The following GALNT13 variants were observed in gnomAD, a reference collection of about 807,000 sequenced individuals.
GALNT13 encodes the protein polypeptide N-acetylgalactosaminyltransferase 13, also known as UDP-GalNAc:polypeptide N-acetylgalactosaminyltransferase 13.
In GALNT13, 28 loss-of-function variants were observed where a neutral mutation model predicts 64.2. The observed-to-expected ratio is 0.44, with a 90% CI of 0.32 to 0.60. The LOEUF is 0.60. Among genes scored for constraint, GALNT13 ranks in the 20% least tolerant of loss-of-function variants. GALNT13 has a pLI of 0.05. For missense variants in GALNT13, 577 were observed against 669.8 expected (o/e 0.86, Z 1.53); for synonymous variants, 214 against 224.6 (o/e 0.95, Z 0.42).
chr2:153,672,140 C>T, the GALNT13 span, among the ~76,000 whole-genome samples: 8 of 152,120 alleles, frequency 5.3e-5, no homozygotes, highest in African/African-American at 1.9e-4. Context: ...TTAGACAGAT[C>T]AGAGAGACAG....
intron 3 of GALNT13, among the ~76,000 whole-genome samples, chr2:154,037,756 A>G (rs1238041253): frequency 2.0e-5 from 3 of 152,184 alleles, no homozygotes; most frequent in African/African-American, 7.2e-5. Flanking sequence ...TCTTTTTTAT[A>G]AAAGCCACAG....
chr2:153,197,314 C>T, the GALNT13 span, among the ~76,000 whole-genome samples: 39 of 152,268 alleles, frequency 2.6e-4, no homozygotes, highest in East Asian at 5.2e-3. Context: ...GGCACTAGCA[C>T]GGGTGGTGCT....
the GALNT13 span, among the ~76,000 whole-genome samples, chr2:153,234,002 C>T: frequency 0.021 from 3,137 of 152,194 alleles, 126 homozygotes; most frequent in African/African-American, 0.071. Flanking sequence ...ATAAAAGAAG[C>T]TTATAACTAA....
chr2:154,256,942 A>T (rs990615455), intron 7 of GALNT13, among the ~76,000 whole-genome samples: 1 of 152,148 alleles, frequency 6.6e-6, no homozygotes, highest in Non-Finnish European at 1.5e-5. Flanking sequence ...GCATATGTAA[A>T]TATTTTATTA....
chr2:153,400,158 C>T, the GALNT13 span, among the ~76,000 whole-genome samples: 5 of 151,822 alleles, frequency 3.3e-5, no homozygotes, highest in South Asian at 6.3e-4. Flanking sequence ...TTGTCAAAGG[C>T]TTTTTCTGCA....
At chr2:154,149,857 G>A (rs963138283) in intron 4 of GALNT13, among the ~76,000 whole-genome samples, 17 of 152,212 alleles carry the variant, frequency 1.1e-4, no homozygotes, top group African/African-American at 2.9e-4. Context: ...TGGATATACA[G>A]TCATGTCATC....
intron 3 of GALNT13, among the ~76,000 whole-genome samples, chr2:154,110,925 G>T (rs60776123): frequency 0.26 from 39,028 of 151,838 alleles, 7,003 homozygotes; most frequent in East Asian, 0.82. Context: ...GCATCAATCC[G>T]GAACCCAAAT....
At chr2:154,151,554 T>G (rs895610950) in intron 4 of GALNT13, among the ~76,000 whole-genome samples, 4 of 152,186 alleles carry the variant, frequency 2.6e-5, no homozygotes, top group African/African-American at 9.7e-5. Flanking sequence ...ACTATTATTG[T>G]GTGGGAGTCT....
chr2:153,197,576 C>T, the GALNT13 span, among the ~76,000 whole-genome samples: 26 of 152,356 alleles, frequency 1.7e-4, no homozygotes, highest in South Asian at 8.3e-4. Context: ...TGTTCTCAGG[C>T]GCCCAGTGCT....
the GALNT13 span, among the ~76,000 whole-genome samples, chr2:153,166,620 C>CATGTGTGTGT: frequency 4.1e-5 from 3 of 72,596 alleles, no homozygotes; most frequent in African/African-American, 1.9e-4. Flanking sequence ...TTGCCTACTG[C>CATGTGTGTGT]ATGTGTGTGT....
chr2:153,743,633 G>C, the GALNT13 span, among the ~76,000 whole-genome samples: 1 of 151,940 alleles, frequency 6.6e-6, no homozygotes, highest in Non-Finnish European at 1.5e-5. Flanking sequence ...TAGTAGAAAA[G>C]GGTTACCCAT....
intron 8 of GALNT13, among the ~76,000 whole-genome samples, chr2:154,280,925 A>G (rs954285871): frequency 1.3e-5 from 2 of 152,212 alleles, no homozygotes; most frequent in Non-Finnish European, 2.9e-5. Flanking sequence ...TTACATCCAC[A>G]TACAATTTTT....
the GALNT13 span, among the ~76,000 whole-genome samples, chr2:153,304,754 G>T: frequency 1.3e-5 from 2 of 152,162 alleles, no homozygotes; most frequent in Admixed American, 1.3e-4. Context: ...ATGGGCACAG[G>T]TTTCATGTGT....
At chr2:153,932,702 G>A (rs944375042) in intron 2 of GALNT13, among the ~76,000 whole-genome samples, 3 of 138,128 alleles carry the variant, frequency 2.2e-5, no homozygotes, top group South Asian at 2.3e-4. Flanking sequence ...ATCTTGGCTC[G>A]CTGTAACCTC....
At chr2:153,235,962 C>T in the GALNT13 span, among the ~76,000 whole-genome samples, 28 of 152,092 alleles carry the variant, frequency 1.8e-4, no homozygotes, top group Non-Finnish European at 1.5e-5. Flanking sequence ...AGGAAAAGAT[C>T]CTGAAGAAAA....
At chr2:153,895,349 C>T (rs1386799682) in intron 1 of GALNT13, among the ~76,000 whole-genome samples, 1 of 152,084 alleles carries the variant, frequency 6.6e-6, no homozygotes, top group African/African-American at 2.4e-5. Context: ...GATTGTAACA[C>T]ATCTTCCTCT....
At chr2:153,759,498 G>T in the GALNT13 span, among the ~76,000 whole-genome samples, 6 of 152,024 alleles carry the variant, frequency 3.9e-5, no homozygotes, top group Non-Finnish European at 1.5e-5. Flanking sequence ...AATCCATTGG[G>T]AGATTTTATC....
At chr2:154,303,250 G>A (rs1693545854) in intron 9 of GALNT13, among the ~76,000 whole-genome samples, 1 of 152,128 alleles carries the variant, frequency 6.6e-6, no homozygotes, top group East Asian at 1.9e-4. Context: ...ACCAGAGTCG[G>A]ATGCGCGCGA....
chr2:153,870,663 A>T (rs1048643632), upstream of GALNT13, among the ~76,000 whole-genome samples: 5 of 151,460 alleles, frequency 3.3e-5, no homozygotes, highest in African/African-American at 1.2e-4. Context: ...ATGATACTTG[A>T]CTCACGAAAA....
Sources: allele counts gnomAD v4.1 joint callset (sites outside exome capture counted in the v4.1 genomes callset), GRCh38; gene constraint gnomAD v4.1.1; transcripts MANE v1.5; gene names NCBI Gene and HGNC (gene_info 2026-07-23, HGNC 2026-07-21).